Variants in MARCHF1 observed in about 807,000 individuals in gnomAD.
MARCHF1 encodes the protein E3 ubiquitin-protein ligase MARCHF1.
Under a neutral mutation model 54.2 loss-of-function variants are expected in MARCHF1, and 40 were observed. The ratio of observed to expected loss-of-function variants is 0.74; its 90% CI spans 0.57 to 0.96. The LOEUF (loss-of-function observed/expected upper bound fraction) is 0.96. MARCHF1 is among the 40% of genes least tolerant of loss of function. The probability of loss-of-function intolerance (pLI) is 0.00; values close to 1 mark genes in which losing one functional copy is unlikely to be tolerated. For missense variants in MARCHF1, 586 were observed against 656.5 expected, an observed-to-expected ratio of 0.89 and a Z score of 1.17; for synonymous variants, 236 against 236.3, an observed-to-expected ratio of 1.00 and a Z score of 0.01.
chr4:164,068,804 G>T (rs1287642416), intron 2 of MARCHF1, among the ~76,000 whole-genome samples: 1 of 152,236 alleles, frequency 6.6e-6, no homozygotes, highest in Non-Finnish European at 1.5e-5. Context: ...ACTGGGTGAA[G>T]CCAGCTGGGC....
intron 2 of MARCHF1, among the ~76,000 whole-genome samples, chr4:164,025,877 G>A (rs1753757420): frequency 6.6e-6 from 1 of 151,928 alleles, no homozygotes; most frequent in Admixed American, 6.6e-5. Context: ...AATGAAAAAT[G>A]GCAAGGATGG....
At chr4:164,054,790 A>AG (rs1440917569) in intron 2 of MARCHF1, among the ~76,000 whole-genome samples, 1 of 65,852 alleles carries the variant, frequency 1.5e-5, no homozygotes, top group Non-Finnish European at 2.7e-5. Flanking sequence ...GGGTGGGGGG[A>AG]GGGGGGAGGG....
intron 3 of MARCHF1, among the ~76,000 whole-genome samples, chr4:163,914,825 T>C (rs936904541): frequency 1.6e-4 from 25 of 152,178 alleles, no homozygotes; most frequent in Non-Finnish European, 4.4e-5. Flanking sequence ...TTCTATTACA[T>C]ATTTTCTGGA....
intron 4 of MARCHF1, among the ~76,000 whole-genome samples, chr4:163,708,537 G>A (rs1330676313): frequency 6.6e-6 from 1 of 152,126 alleles, no homozygotes; most frequent in Admixed American, 6.6e-5. Context: ...CATAAAAAAT[G>A]AATTGGATCT....
At chr4:163,647,519 A>T (rs1742805445) in intron 5 of MARCHF1, among the ~76,000 whole-genome samples, 1 of 152,030 alleles carries the variant, frequency 6.6e-6, no homozygotes, top group African/African-American at 2.4e-5. Flanking sequence ...CAGGCCAGAA[A>T]ACAAGTCTTA....
chr4:163,952,577 A>T (rs1436863475), intron 3 of MARCHF1, among the ~76,000 whole-genome samples: 1 of 152,234 alleles, frequency 6.6e-6, no homozygotes, highest in Non-Finnish European at 1.5e-5. Flanking sequence ...ATCTGTATTA[A>T]TGAGACATTC....
intron 4 of MARCHF1, among the ~76,000 whole-genome samples, chr4:163,839,767 C>G (rs774244522): frequency 6.6e-6 from 1 of 151,990 alleles, no homozygotes; most frequent in Non-Finnish European, 1.5e-5. Context: ...TTTTGGGATG[C>G]TGAAAATGTT....
intron 1 of MARCHF1, among the ~76,000 whole-genome samples, chr4:164,168,584 G>A (rs1377484889): frequency 6.6e-6 from 1 of 151,784 alleles, no homozygotes; most frequent in African/African-American, 2.4e-5. Context: ...ATCAATGATG[G>A]ACCTGCAGAA....
At chr4:163,570,730 G>A (rs1739814361) in intron 8 of MARCHF1, among the ~76,000 whole-genome samples, 1 of 152,076 alleles carries the variant, frequency 6.6e-6, no homozygotes, top group Admixed American at 6.6e-5. Context: ...TTTAAAAATG[G>A]TAAGAGATTA....
chr4:163,868,728 T>C lies in MARCHF1; in HGVS notation c.-38-14559A>G, dbSNP rs527415062. Among the ~76,000 whole-genome samples, 5 of 152,120 alleles carry C rather than the reference T, an allele frequency of 3.3e-5. No individual in the cohort carries two copies. In the East Asian group the frequency reaches 9.6e-4, roughly 29 times the overall value. ...AGATAAGTTTGACATTTAAAATATA[T>C]TCTGTTTCACTGTGGAGACAAAAGT... On this transcript the variant is annotated intron_variant, in intron 3 of 9. Transcript: ENST00000514618.
At chr4:163,614,648 G>T (rs1371452825) in intron 5 of MARCHF1, among the ~76,000 whole-genome samples, 1 of 152,096 alleles carries the variant, frequency 6.6e-6, no homozygotes, top group Non-Finnish European at 1.5e-5. Flanking sequence ...TGAAGAGAAG[G>T]TATAGTAGGC....
chr4:163,599,068 C>T (rs982767611), intron 7 of MARCHF1, among the ~76,000 whole-genome samples: 2 of 151,882 alleles, frequency 1.3e-5, no homozygotes, highest in Non-Finnish European at 2.9e-5. Flanking sequence ...GCAGGCGGAT[C>T]GCCTAAGGTC....
At position 164,125,032 on chromosome 4, in the gene MARCHF1, T is replaced by C. The variant is rs908879947; in HGVS notation, c.-322-13370A>G. 1.4e-4 allele frequency among the ~76,000 whole-genome samples: 22 copies of C among 152,198 alleles called. No homozygotes were observed. In the East Asian group the frequency reaches 3.9e-3, roughly 27 times the overall value. ...TCGTATTGCATGCCTGTATTACATG[T>C]GCCCCATAAATATATAGACCTACTA... On this transcript the variant is annotated intron_variant, in intron 1 of 9. Transcript: ENST00000514618.
intron 1 of MARCHF1, among the ~76,000 whole-genome samples, chr4:164,171,123 G>T (rs1730514788): frequency 6.6e-6 from 1 of 152,094 alleles, no homozygotes; most frequent in Non-Finnish European, 1.5e-5. Context: ...TGAATGCTAA[G>T]TATAGACTAC....
At chr4:164,057,121 C>A (rs1176074131) in intron 2 of MARCHF1, among the ~76,000 whole-genome samples, 1 of 152,140 alleles carries the variant, frequency 6.6e-6, no homozygotes, top group Non-Finnish European at 1.5e-5. Context: ...AACAAAAGAG[C>A]ATTTTTCTTG....
intron 3 of MARCHF1, among the ~76,000 whole-genome samples, chr4:163,925,927 C>T (rs1197640575): frequency 6.6e-6 from 1 of 151,408 alleles, no homozygotes; most frequent in Non-Finnish European, 1.5e-5. Context: ...AAAGTTTCTC[C>T]CCTTCCAGGA....
At chr4:163,687,811 T>G (rs768423767) in intron 5 of MARCHF1, among the ~76,000 whole-genome samples, 30 of 152,236 alleles carry the variant, frequency 2.0e-4, no homozygotes, top group Non-Finnish European at 3.7e-4. Flanking sequence ...AATTCCATCT[T>G]AAATTGGTCT....
At chr4:163,891,058 G>A (rs1363819100) in intron 3 of MARCHF1, among the ~76,000 whole-genome samples, 4 of 152,028 alleles carry the variant, frequency 2.6e-5, no homozygotes, top group African/African-American at 4.8e-5. Context: ...AAACACCAGA[G>A]ACAAAAGCAA....
chr4:163,916,518 T>A (rs1031780661), intron 3 of MARCHF1, among the ~76,000 whole-genome samples: 2 of 126,308 alleles, frequency 1.6e-5, no homozygotes, highest in African/African-American at 7.2e-5. Context: ...AAGATGTGCC[T>A]GTGAATAGCC....
Sources: allele counts gnomAD v4.1 joint callset (sites outside exome capture counted in the v4.1 genomes callset), GRCh38; gene constraint gnomAD v4.1.1; transcripts MANE v1.5; gene names NCBI Gene and HGNC (gene_info 2026-07-23, HGNC 2026-07-21).